PDZRN4: variants seen among roughly 807,000 people sequenced by gnomAD.
PDZRN4 encodes PDZ domain-containing RING finger protein 4.
A neutral mutation model predicts 99.0 loss-of-function variants in PDZRN4; 70 were observed. The ratio of observed to expected loss-of-function variants is 0.71; its 90% confidence interval spans 0.58 to 0.86. The LOEUF (loss-of-function observed/expected upper bound fraction) is 0.86. PDZRN4 is among the 40% of genes least tolerant of loss of function. The probability of loss-of-function intolerance (pLI) is 0.00; values close to 1 mark genes in which losing one functional copy is unlikely to be tolerated. For missense variants in PDZRN4, 1,474 were observed against 1,331.2 expected (o/e 1.11, Z -1.67); for synonymous variants, 551 against 501.6 (o/e 1.10, Z -1.32).
intron 3 of PDZRN4, among the ~76,000 whole-genome samples, chr12:41,197,144 A>C (rs1437055990): frequency 6.6e-6 from 1 of 152,146 alleles, no homozygotes; most frequent in Non-Finnish European, 1.5e-5. Context: ...CTTGATGCAC[A>C]CATACAAGTT....
chr12:41,194,661 A>G (rs1408008415), intron 3 of PDZRN4, among the ~76,000 whole-genome samples: 1 of 151,956 alleles, frequency 6.6e-6, no homozygotes, highest in Admixed American at 6.6e-5. Flanking sequence ...AAGAAGTAAA[A>G]CTCTATTATG....
chr12:41,315,472 T>C (rs913585308), intron 3 of PDZRN4, among the ~76,000 whole-genome samples: 1 of 152,150 alleles, frequency 6.6e-6, no homozygotes, highest in East Asian at 1.9e-4. Flanking sequence ...ACCCCTGTTT[T>C]TGAGTAAAAT....
At chr12:41,445,878 T>C (rs2120483308) in intron 3 of PDZRN4, among the ~76,000 whole-genome samples, 1 of 152,252 alleles carries the variant, frequency 6.6e-6, no homozygotes, top group Admixed American at 6.5e-5. Context: ...TTTAGAATTA[T>C]AGATAATTCA....
At chr12:41,318,187 A>T (rs953254247) in intron 3 of PDZRN4, among the ~76,000 whole-genome samples, 6 of 152,142 alleles carry the variant, frequency 3.9e-5, no homozygotes, top group Non-Finnish European at 8.8e-5. Flanking sequence ...GAGTCTTAGG[A>T]TCAGTTTTCA....
intron 3 of PDZRN4, among the ~76,000 whole-genome samples, chr12:41,312,486 C>T (rs563360940): frequency 1.0e-3 from 155 of 152,122 alleles, no homozygotes; most frequent in African/African-American, 3.6e-3. Flanking sequence ...GTTCTCATGC[C>T]GCTAATAAAG....
chr12:41,299,737 T>C (rs977377453), intron 3 of PDZRN4, among the ~76,000 whole-genome samples: 7 of 152,038 alleles, frequency 4.6e-5, no homozygotes, highest in Non-Finnish European at 1.5e-5. Flanking sequence ...TTTCAAAGCA[T>C]ATTTCACTGT....
chr12:41,386,646 A>C (rs1435884703), intron 3 of PDZRN4, among the ~76,000 whole-genome samples: 1 of 152,234 alleles, frequency 6.6e-6, no homozygotes, highest in Non-Finnish European at 1.5e-5. Context: ...ATGGAATCAA[A>C]AAAGAGCCTG....
chr12:41,466,826 TG>T, intron 3 of PDZRN4, among the ~76,000 whole-genome samples: 1 of 148,940 alleles, frequency 6.7e-6, no homozygotes, highest in Non-Finnish European at 1.5e-5. Context: ...TCTTGCACCA[TG>T]AACCATGCTG....
chr12:41,262,942 TA>T (rs574322421), intron 3 of PDZRN4, among the ~76,000 whole-genome samples: 41 of 151,624 alleles, frequency 2.7e-4, no homozygotes, highest in African/African-American at 9.2e-4. Context: ...TAAGTAGGGA[TA>T]AAAAATACTG....
At chr12:41,423,141 T>G (rs1032899094) in intron 3 of PDZRN4, among the ~76,000 whole-genome samples, 1 of 151,560 alleles carries the variant, frequency 6.6e-6, no homozygotes, top group Admixed American at 6.6e-5. Context: ...TTTTTTTATT[T>G]GCTGAAACTT....
intron 3 of PDZRN4, among the ~76,000 whole-genome samples, chr12:41,470,818 C>A (rs552264552): frequency 1.3e-5 from 2 of 152,252 alleles, no homozygotes; most frequent in African/African-American, 4.8e-5. Flanking sequence ...CCAAAACCCA[C>A]ACAATGGGGG....
At chr12:41,287,778 C>A (rs1420245122) in intron 3 of PDZRN4, among the ~76,000 whole-genome samples, 1 of 152,158 alleles carries the variant, frequency 6.6e-6, no homozygotes, top group African/African-American at 2.4e-5. Context: ...TGGACAGAAG[C>A]CTTACTGTTT....
intron 3 of PDZRN4, among the ~76,000 whole-genome samples, chr12:41,233,396 G>T (rs1005030942): frequency 3.9e-5 from 6 of 151,992 alleles, no homozygotes; most frequent in Admixed American, 1.3e-4. Flanking sequence ...CTCAGGGATC[G>T]AGAACCAGAA....
At chr12:41,269,958 G>A (rs975675979) in intron 3 of PDZRN4, among the ~76,000 whole-genome samples, 1 of 152,096 alleles carries the variant, frequency 6.6e-6, no homozygotes, top group Non-Finnish European at 1.5e-5. Context: ...CATATAAGAT[G>A]AAATGTCTCT....
At chr12:41,248,813 T>A (rs1373630153) in intron 3 of PDZRN4, among the ~76,000 whole-genome samples, 2 of 152,174 alleles carry the variant, frequency 1.3e-5, no homozygotes, top group Non-Finnish European at 2.9e-5. Context: ...TGTAGCATTT[T>A]AAAAATAAAC....
At chr12:41,479,970 T>C (rs750378222) in intron 3 of PDZRN4, among the ~76,000 whole-genome samples, 14 of 152,298 alleles carry the variant, frequency 9.2e-5, no homozygotes, top group Admixed American at 2.6e-4. Flanking sequence ...TTAATGTAAT[T>C]TTCATGAAAC....
chr12:41,434,969 A>C (rs1338261621), intron 3 of PDZRN4, among the ~76,000 whole-genome samples: 1 of 152,180 alleles, frequency 6.6e-6, no homozygotes, highest in East Asian at 1.9e-4. Flanking sequence ...ATCATATTCT[A>C]ATGAAATTTA....
At chr12:41,258,409 TA>T (rs1336812597) in intron 3 of PDZRN4, among the ~76,000 whole-genome samples, 1 of 152,070 alleles carries the variant, frequency 6.6e-6, no homozygotes, top group Non-Finnish European at 1.5e-5. Flanking sequence ...ATACTAGAAA[TA>T]AAATGCTTTA....
intron 3 of PDZRN4, among the ~76,000 whole-genome samples, chr12:41,244,177 C>T (rs1270697333): frequency 2.6e-5 from 4 of 152,068 alleles, no homozygotes; most frequent in African/African-American, 9.7e-5. Flanking sequence ...GGTAAATGGC[C>T]ATTCTATTCT....
Sources: gnomAD v4.1 joint callset for allele counts (sites outside exome capture counted in the v4.1 genomes callset) on GRCh38, gnomAD v4.1.1 for gene constraint, MANE v1.5 for transcripts, NCBI Gene and HGNC (gene_info 2026-07-23, HGNC 2026-07-21) for gene names.